Variants in KCNN3 observed in about 807,000 individuals in gnomAD.
The protein encoded by KCNN3 is small conductance calcium-activated potassium channel protein 3.
KCNN3 carries 16 observed loss-of-function variants against 62.9 expected under a neutral mutation model. That is an observed-to-expected ratio of 0.25 (90% CI 0.17 to 0.39). The LOEUF is 0.39. Among genes scored for constraint, KCNN3 ranks in the 10% least tolerant of loss-of-function variants. KCNN3 has a pLI of 1.00. For synonymous variants in KCNN3, 370 were observed against 389.2 expected, an observed-to-expected ratio of 0.95 and a Z score of 0.58; for missense variants, 599 against 949.4, an observed-to-expected ratio of 0.63 and a Z score of 4.85.
At chr1:154,793,640 T>G (rs1158532192) in intron 2 of KCNN3, among the ~76,000 whole-genome samples, 1 of 152,224 alleles carries the variant, frequency 6.6e-6, no homozygotes, top group South Asian at 2.1e-4. Context: ...TTATTCACTA[T>G]GCTGGGGACT....
chr1:154,805,362 C>T (rs1024681625), intron 2 of KCNN3, among the ~76,000 whole-genome samples: 1 of 152,074 alleles, frequency 6.6e-6, no homozygotes, highest in Non-Finnish European at 1.5e-5. Flanking sequence ...TCAATGCCTC[C>T]CCTGAGCAAT....
In KCNN3 at chr1:154,714,860, G is replaced by T. The variant is rs769631740; in HGVS notation, c.1829+16C>A. On this transcript the variant is annotated intron_variant, in intron 6 of 7. Transcript: ENST00000271915. Reference sequence around the variant, plus strand: ...AGTCTGGTCATCTGATGGCTGAACCGCTCTGGCATACTCACTGGTGGATAG... The same window carrying T: ...AGTCTGGTCATCTGATGGCTGAACCTCTCTGGCATACTCACTGGTGGATAG... The T allele has an allele frequency of 6.2e-7, 1 of 1,612,922 alleles. No homozygotes were observed. The highest frequency in any genetic ancestry group is 8.5e-7 in the Non-Finnish European group (1 of 1,179,272).
At chr1:154,791,486 G>A (rs1649517671) in intron 2 of KCNN3, among the ~76,000 whole-genome samples, 1 of 152,078 alleles carries the variant, frequency 6.6e-6, no homozygotes, top group African/African-American at 2.4e-5. Flanking sequence ...GCACACCGGA[G>A]AGTAAGCAAC....
intron 1 of KCNN3, among the ~76,000 whole-genome samples, chr1:154,867,375 T>A (rs994931951): frequency 6.6e-6 from 1 of 152,210 alleles, no homozygotes; most frequent in African/African-American, 2.4e-5. Flanking sequence ...TGAGCTATTT[T>A]GACTAAGGCG....
At chr1:154,846,052 C>A (rs188573940) in intron 1 of KCNN3, among the ~76,000 whole-genome samples, 1 of 152,160 alleles carries the variant, frequency 6.6e-6, no homozygotes, top group African/African-American at 2.4e-5. Flanking sequence ...GGCACAGCAC[C>A]CACACCAGCC....
chr1:154,727,335 T>G (rs952636782), intron 4 of KCNN3, among the ~76,000 whole-genome samples: 1 of 152,244 alleles, frequency 6.6e-6, no homozygotes. Context: ...TCATCAGGTC[T>G]TACAAAATGT....
chr1:154,724,144 G>A (rs766574257), intron 5 of KCNN3, among the ~76,000 whole-genome samples: 2 of 152,192 alleles, frequency 1.3e-5, no homozygotes, highest in African/African-American at 2.4e-5. Flanking sequence ...TCCAATAAAT[G>A]TAATCAAAGA....
chr1:154,716,634 A>G (rs1700238728), intron 5 of KCNN3, among the ~76,000 whole-genome samples: 1 of 152,250 alleles, frequency 6.6e-6, no homozygotes, highest in East Asian at 1.9e-4. Flanking sequence ...AGAAATGTCT[A>G]AGGGACATAA....
At position 154,702,477 on chromosome 1, in the gene KCNN3, C is replaced by T. The variant is rs1333550798; in HGVS notation, c.*5499G>A. 6.6e-6 allele frequency: 1 copy of T among 151,226 alleles called. No individual in the cohort carries two copies. Among genetic ancestry groups the T allele is most frequent in the Non-Finnish European group, 1.5e-5 (1 of 67,850 alleles). 9.4% of individuals were successfully genotyped at this position (151,226 alleles called of 1,614,324 possible). On this transcript the variant is annotated 3_prime_UTR_variant, in exon 8 of 8. Coordinates refer to ENST00000271915, the MANE Select transcript of KCNN3 (RefSeq NM_002249.6). ...TGAGCTTGCCATGAAAATGTTTCCT[C>T]CATTAACATCCTGTCATTCTCTTGT...
intron 3 of KCNN3, among the ~76,000 whole-genome samples, chr1:154,741,353 T>G (rs992778978): frequency 6.6e-6 from 1 of 152,254 alleles, no homozygotes; most frequent in African/African-American, 2.4e-5. Context: ...AGCCTTTCCT[T>G]GGTACCTTCT....
At chr1:154,732,501 G>A (rs1471728011) in intron 4 of KCNN3, among the ~76,000 whole-genome samples, 1 of 152,188 alleles carries the variant, frequency 6.6e-6, no homozygotes, top group Admixed American at 6.5e-5. Flanking sequence ...AGGGCCATGT[G>A]GACAGCCCCG....
At chr1:154,812,890 G>A (rs532045525) in intron 2 of KCNN3, among the ~76,000 whole-genome samples, 1 of 152,330 alleles carries the variant, frequency 6.6e-6, no homozygotes, top group East Asian at 1.9e-4. Flanking sequence ...GTCCCACAAA[G>A]GGCCTCCTGA....
chr1:154,712,426 G>A (rs1051078100), intron 7 of KCNN3, among the ~76,000 whole-genome samples: 2 of 152,108 alleles, frequency 1.3e-5, no homozygotes, highest in Non-Finnish European at 2.9e-5. Flanking sequence ...CCCCAAATGT[G>A]CCAAGCCACT....
chr1:154,832,402 T>C (rs1415205297), intron 1 of KCNN3, among the ~76,000 whole-genome samples: 1 of 152,010 alleles, frequency 6.6e-6, no homozygotes, highest in Non-Finnish European at 1.5e-5. Context: ...TGAAGGTTCC[T>C]AGTCCCAGCC....
intron 1 of KCNN3, chr1:154,859,747 T>C: frequency 3.1e-6 from 5 of 1,614,194 alleles, no homozygotes; most frequent in Non-Finnish European, 4.2e-6. Context: ...ACAACTGTCC[T>C]TGCAGATGTC....
chr1:154,758,472 T>A (rs1318677463), intron 3 of KCNN3, among the ~76,000 whole-genome samples: 2 of 152,264 alleles, frequency 1.3e-5, no homozygotes, highest in East Asian at 3.8e-4. Context: ...TTGCAGCATG[T>A]CTGGCCCTGT....
chr1:154,816,038 C>A (rs1037016193), intron 2 of KCNN3, among the ~76,000 whole-genome samples: 2 of 152,184 alleles, frequency 1.3e-5, no homozygotes, highest in African/African-American at 4.8e-5. Flanking sequence ...AATTTATGTC[C>A]TGTAATTTCA....
chr1:154,784,607 G>A (rs1571273118), intron 2 of KCNN3, among the ~76,000 whole-genome samples: 1 of 152,198 alleles, frequency 6.6e-6, no homozygotes, highest in African/African-American at 2.4e-5. Context: ...GCTTGTCACA[G>A]AGCCAATCCC....
intron 2 of KCNN3, among the ~76,000 whole-genome samples, chr1:154,793,365 C>T (rs75037309): frequency 1.3e-5 from 2 of 152,118 alleles, no homozygotes; most frequent in African/African-American, 4.8e-5. Flanking sequence ...AAAGTTTACA[C>T]CTGGAGTTTC....
Sources: gnomAD v4.1 joint callset for allele counts (sites outside exome capture counted in the v4.1 genomes callset) on GRCh38, gnomAD v4.1.1 for gene constraint, MANE v1.5 for transcripts, NCBI Gene and HGNC (gene_info 2026-07-23, HGNC 2026-07-21) for gene names.